SHISA6: variants seen among roughly 807,000 people sequenced by gnomAD.
The protein encoded by SHISA6 is shisa family member 6, also known as protein shisa-6.
SHISA6 carries 22 observed loss-of-function variants against 47.9 expected under a neutral mutation model. That is an observed-to-expected ratio of 0.46 (90% CI 0.33 to 0.66). The LOEUF (loss-of-function observed/expected upper bound fraction) is 0.66. Ranked by LOEUF, SHISA6 falls within the 30% of genes least tolerant of loss-of-function variation. SHISA6 has a pLI of 0.02. For synonymous variants in SHISA6, 388 were observed against 337.8 expected (o/e 1.15, Z -1.63); for missense variants, 680 against 764.6 (o/e 0.89, Z 1.30).
chr17:11,331,751 C>G (rs1911124784), intron 2 of SHISA6, among the ~76,000 whole-genome samples: 1 of 152,044 alleles, frequency 6.6e-6, no homozygotes, highest in African/African-American at 2.4e-5. Flanking sequence ...CAAACACACA[C>G]ACACACACAC....
intron 1 of SHISA6, among the ~76,000 whole-genome samples, chr17:11,250,998 G>A (rs772329393): frequency 1.6e-4 from 25 of 152,070 alleles, no homozygotes; most frequent in African/African-American, 3.9e-4. Context: ...CCATCATCCC[G>A]TCTGAGTGTA....
At chr17:11,310,844 C>T (rs1293992538) in intron 2 of SHISA6, among the ~76,000 whole-genome samples, 1 of 151,980 alleles carries the variant, frequency 6.6e-6, no homozygotes, top group Non-Finnish European at 1.5e-5. Context: ...CGCTGTGGCT[C>T]ACGCCTGTAA....
At chr17:11,266,612 A>C (rs1009898349) in intron 2 of SHISA6, among the ~76,000 whole-genome samples, 3 of 152,212 alleles carry the variant, frequency 2.0e-5, no homozygotes, top group Non-Finnish European at 4.4e-5. Flanking sequence ...TTAATGGTAT[A>C]ATCAGTTAAA....
intron 2 of SHISA6, among the ~76,000 whole-genome samples, chr17:11,350,182 A>ATTTATTTATTTATT (rs964679787): frequency 5.2e-5 from 6 of 116,238 alleles, no homozygotes; most frequent in Non-Finnish European, 1.0e-4. Context: ...TTATTTATTT[A>ATTTATTTATTTATT]TTTTTTTTTT....
intron 2 of SHISA6, among the ~76,000 whole-genome samples, chr17:11,354,706 G>A (rs1269606533): frequency 1.3e-5 from 2 of 152,130 alleles, no homozygotes; most frequent in Admixed American, 1.3e-4. Context: ...GCAGCTAATG[G>A]GACCAGATGG....
At chr17:11,426,055 T>A (rs568952193) in intron 3 of SHISA6, among the ~76,000 whole-genome samples, 2 of 152,168 alleles carry the variant, frequency 1.3e-5, no homozygotes, top group African/African-American at 4.8e-5. Flanking sequence ...GAGTGTTACC[T>A]CCCACAAGGA....
intron 2 of SHISA6, among the ~76,000 whole-genome samples, chr17:11,352,212 G>T (rs1434483062): frequency 6.6e-6 from 1 of 151,972 alleles, no homozygotes; most frequent in Non-Finnish European, 1.5e-5. Context: ...TTACATGGTG[G>T]GAAAAAGCAA....
chr17:11,374,545 T>C (rs1912729703), intron 2 of SHISA6, among the ~76,000 whole-genome samples: 1 of 152,114 alleles, frequency 6.6e-6, no homozygotes, highest in Non-Finnish European at 1.5e-5. Flanking sequence ...TGTATGTTTA[T>C]GTTTGTATAT....
intron 3 of SHISA6, among the ~76,000 whole-genome samples, chr17:11,388,820 A>G (rs1315766179): frequency 1.1e-4 from 11 of 101,612 alleles, no homozygotes; most frequent in Non-Finnish European, 1.2e-4. Context: ...ATATATATAT[A>G]TATATATATA....
At chr17:11,309,096 C>T (rs1156752428) in intron 2 of SHISA6, among the ~76,000 whole-genome samples, 3 of 152,174 alleles carry the variant, frequency 2.0e-5, no homozygotes, top group Non-Finnish European at 2.9e-5. Flanking sequence ...TCCCGAGTAG[C>T]TGGGACTACA....
At chr17:11,436,545 A>G (rs1014447303) in intron 3 of SHISA6, among the ~76,000 whole-genome samples, 1 of 152,160 alleles carries the variant, frequency 6.6e-6, no homozygotes, top group African/African-American at 2.4e-5. Context: ...CTTTAACAGC[A>G]TCCCTTTATT....
At chr17:11,403,187 C>T (rs1053693750) in intron 3 of SHISA6, among the ~76,000 whole-genome samples, 1 of 152,190 alleles carries the variant, frequency 6.6e-6, no homozygotes, top group Non-Finnish European at 1.5e-5. Flanking sequence ...AGAATCCTTT[C>T]CAATAAATGT....
At chr17:11,315,798 A>G (rs531407614) in intron 2 of SHISA6, among the ~76,000 whole-genome samples, 1 of 152,278 alleles carries the variant, frequency 6.6e-6, no homozygotes, top group South Asian at 2.1e-4. Context: ...TTTTATTCAG[A>G]TATTTTCCCA....
intron 3 of SHISA6, among the ~76,000 whole-genome samples, chr17:11,472,164 A>G (rs1915949196): frequency 1.3e-5 from 2 of 152,052 alleles, no homozygotes; most frequent in Admixed American, 1.3e-4. Flanking sequence ...CTGGAATGTC[A>G]TATAGTTGGA....
intron 2 of SHISA6, among the ~76,000 whole-genome samples, chr17:11,361,549 G>A (rs1312927359): frequency 6.6e-6 from 1 of 152,136 alleles, no homozygotes; most frequent in Non-Finnish European, 1.5e-5. Flanking sequence ...GTAATTAAGT[G>A]GGTAACTTAG....
intron 2 of SHISA6, among the ~76,000 whole-genome samples, chr17:11,280,122 G>T (rs576444493): frequency 6.6e-6 from 1 of 152,270 alleles, no homozygotes; most frequent in African/African-American, 2.4e-5. Flanking sequence ...AAGCCTTGGT[G>T]GCGTTTCTGT....
intron 1 of SHISA6, among the ~76,000 whole-genome samples, chr17:11,259,044 A>G (rs8078139): frequency 0.82 from 124,159 of 151,860 alleles, 52,884 homozygotes; most frequent in Non-Finnish European, 0.93. Flanking sequence ...TTATGGATTG[A>G]TGGATAGAGT....
chr17:11,395,814 G>C (rs759632990), intron 3 of SHISA6, among the ~76,000 whole-genome samples: 1 of 152,048 alleles, frequency 6.6e-6, no homozygotes, highest in East Asian at 1.9e-4. Context: ...CACCGTGCCC[G>C]GCCAGTTTTA....
chr17:11,493,155 C>A (rs1455460514), intron 3 of SHISA6, among the ~76,000 whole-genome samples: 1 of 152,170 alleles, frequency 6.6e-6, no homozygotes, highest in African/African-American at 2.4e-5. Context: ...ATAGCAGGAC[C>A]ACCTCCTGAC....
Sources: gnomAD v4.1 joint callset for allele counts (sites outside exome capture counted in the v4.1 genomes callset) on GRCh38, gnomAD v4.1.1 for gene constraint, MANE v1.5 for transcripts, NCBI Gene and HGNC (gene_info 2026-07-23, HGNC 2026-07-21) for gene names.